The following GRB14 variants were observed in gnomAD, a reference collection of about 807,000 sequenced individuals.
The protein encoded by GRB14 is growth factor receptor bound protein 14.
Under a neutral mutation model 69.1 loss-of-function variants are expected in GRB14, and 38 were observed. The observed-to-expected ratio is 0.55, with a 90% CI of 0.42 to 0.72. The LOEUF (loss-of-function observed/expected upper bound fraction) is 0.72, where lower values mean the gene tolerates loss of function less well. GRB14 is among the 30% of genes least tolerant of loss of function. The pLI is 0.00. For missense variants in GRB14, 666 were observed against 666.1 expected, an observed-to-expected ratio of 1.00 and a Z score of 0.00; for synonymous variants, 247 against 241.3, an observed-to-expected ratio of 1.02 and a Z score of -0.22.
intron 2 of GRB14, among the ~76,000 whole-genome samples, chr2:164,580,072 A>G (rs537455585): frequency 3.3e-5 from 5 of 149,782 alleles, no homozygotes; most frequent in Non-Finnish European, 1.5e-5. Context: ...CTGATCAATT[A>G]TTTCTAGTAG....
At chr2:164,564,146 A>G (rs1688905064) in intron 2 of GRB14, among the ~76,000 whole-genome samples, 1 of 152,240 alleles carries the variant, frequency 6.6e-6, no homozygotes, top group Admixed American at 6.5e-5. Context: ...GGCAATAGAC[A>G]GCATTTGGGA....
chr2:164,578,525 C>CACACAT (rs1438591982), intron 2 of GRB14, among the ~76,000 whole-genome samples: 1 of 140,980 alleles, frequency 7.1e-6, no homozygotes, highest in Admixed American at 6.9e-5. Flanking sequence ...TTCGCGCGCA[C>CACACAT]ACACACACAC....
intron 1 of GRB14, among the ~76,000 whole-genome samples, chr2:164,620,696 G>C: frequency 6.6e-6 from 1 of 152,136 alleles, no homozygotes; most frequent in Non-Finnish European, 1.5e-5. Context: ...AAGACTGCTC[G>C]AATGTCAATC....
chr2:164,621,188 G>A lies in GRB14; in HGVS notation c.122C>T (p.Pro41Leu). The A allele has an allele frequency of 8.0e-7, 1 of 1,243,284 alleles. No homozygotes were observed. Among genetic ancestry groups the A allele is most frequent in the Non-Finnish European group, 1.0e-6 (1 of 988,414 alleles). 77.0% of individuals were successfully genotyped at this position (1,243,284 alleles called of 1,614,324 possible). Residue 41 changes from proline (P) to leucine (L), a missense_variant, in exon 1 of 14, where the codon CCG becomes CTG. Physicochemically the swap from Pro to Leu is moderately conservative, Grantham distance 98. Transcript: ENST00000263915. The surrounding 1 kb of genome is among the most constrained non-coding windows in gnomAD (Gnocchi z 6.0). ...QGRGDAHDLA[P>L]APWLHARALL... is the part of the protein sequence containing the mutation. ...CGCTCGCGCGTGCAGCCAGGGGGCC[G>A]GCGCCAGGTCGTGGGCGTCGCCCCT...
chr2:164,619,823 C>T lies in GRB14; in HGVS notation c.192-4G>A. ...ATCAAGATCTTTCTTTTTTCTCCTA[C>T]AGTAAGAGAACATAGGATGTAATTT... On this transcript the variant is annotated splice_region_variant and splice_polypyrimidine_tract_variant and intron_variant, in intron 1 of 13. Transcript: ENST00000263915. 6.2e-7 allele frequency: 1 copy of T among 1,600,946 alleles called. No homozygotes were observed. The highest frequency in any genetic ancestry group is 1.1e-5 in the South Asian group (1 of 88,576).
intron 2 of GRB14, among the ~76,000 whole-genome samples, chr2:164,553,554 C>T (rs1688599021): frequency 6.6e-6 from 1 of 152,098 alleles, no homozygotes; most frequent in Non-Finnish European, 1.5e-5. Context: ...GTTGATATTC[C>T]ACGCAGTAAA....
At position 164,527,146 on chromosome 2, in the gene GRB14, T is replaced by C. The variant is rs868012112; in HGVS notation, c.482-11A>G. 1 of 1,413,984 alleles carries C rather than the reference T, an allele frequency of 7.1e-7. No homozygotes were observed. Among genetic ancestry groups the C allele is most frequent in the African/African-American group, 1.4e-5 (1 of 69,344 alleles). The allele number at this position is 1,413,984 out of a possible 1,614,324, so 87.6% of individuals were successfully genotyped here. On this transcript the variant is annotated splice_polypyrimidine_tract_variant and intron_variant, in intron 3 of 13. Transcript: ENST00000263915. ...CTTCTATTGTTCTTTCTGTAAAGAA[T>C]GTTTCAATGAGTATGTTGACAGATA... is the stretch of plus-strand genomic sequence containing the variant.
At chr2:164,594,465 C>T (rs1385789373) in intron 2 of GRB14, among the ~76,000 whole-genome samples, 1 of 152,222 alleles carries the variant, frequency 6.6e-6, no homozygotes, top group African/African-American at 2.4e-5. Flanking sequence ...CTGTTGATGA[C>T]TGTCAAAGCC....
chr2:164,568,400 C>T, intron 2 of GRB14: 3 of 1,282,856 alleles, frequency 2.3e-6, no homozygotes, highest in Non-Finnish European at 3.0e-6. Context: ...TAGAATGATC[C>T]TGTCTCGTAG....
At chr2:164,554,926 A>G (rs1015526425) in intron 2 of GRB14, among the ~76,000 whole-genome samples, 3 of 151,312 alleles carry the variant, frequency 2.0e-5, no homozygotes, top group African/African-American at 7.3e-5. Context: ...AACTTTTCAG[A>G]AAAAAAAACT....
chr2:164,620,997 T>C, intron 1 of GRB14, 122 bp downstream of exon 1: 1 of 829,112 alleles, frequency 1.2e-6, no homozygotes, highest in Non-Finnish European at 1.6e-6. Flanking sequence ...GGGATTGTCT[T>C]CAGAGACTTT....
intron 3 of GRB14, among the ~76,000 whole-genome samples, chr2:164,530,492 G>A (rs767271862): frequency 5.9e-5 from 9 of 152,074 alleles, no homozygotes; most frequent in East Asian, 1.9e-4. Context: ...ATAGAGCAGC[G>A]AAGAGAGAGA....
chr2:164,595,751 G>C (rs1450925879), intron 2 of GRB14, among the ~76,000 whole-genome samples: 1 of 152,184 alleles, frequency 6.6e-6, no homozygotes, highest in African/African-American at 2.4e-5. Context: ...AAGAAGAGAC[G>C]GGTATGATCT....
At chr2:164,589,841 A>C (rs550227433) in intron 2 of GRB14, among the ~76,000 whole-genome samples, 9 of 152,258 alleles carry the variant, frequency 5.9e-5, no homozygotes, top group Non-Finnish European at 1.2e-4. Context: ...ATAAGCAACA[A>C]AAGTTTCTTT....
intron 2 of GRB14, among the ~76,000 whole-genome samples, chr2:164,595,921 C>G (rs556311896): frequency 5.9e-5 from 9 of 152,100 alleles, no homozygotes; most frequent in East Asian, 1.9e-4. Flanking sequence ...ATCAGGAGAT[C>G]GAGACCATCC....
In GRB14 at chr2:164,547,755, G is replaced by A. The variant is rs141568578; in HGVS notation, c.386C>T (p.Thr129Met). The A allele has an allele frequency of 3.3e-5, 54 of 1,613,412 alleles. No homozygotes were observed. The East Asian group carries it at 5.8e-4, about 17-fold the overall frequency. The change falls in exon 3 of 14, where the codon ACG becomes ATG. Residue 129 changes from threonine to methionine, a missense_variant. Thr to Met is a moderately conservative substitution (Grantham distance 81, BLOSUM62 -1). Transcript: ENST00000263915. ...SRALDVPSDI[T>M]ARDVCQLLIL... is the part of the protein sequence containing the mutation. ...CAACAGCTGACAAACATCTCGAGCCGTTATGTCACTGGGTACATCTAAAGC... is the reference window on the plus strand; with the variant it reads ...CAACAGCTGACAAACATCTCGAGCCATTATGTCACTGGGTACATCTAAAGC...
chr2:164,555,154 C>G (rs947530987), intron 2 of GRB14, among the ~76,000 whole-genome samples: 2 of 152,192 alleles, frequency 1.3e-5, no homozygotes, highest in African/African-American at 2.4e-5. Context: ...AAGCAGTCAG[C>G]CTTTCTCCTC....
chr2:164,559,156 T>C (rs1006283385), intron 2 of GRB14, among the ~76,000 whole-genome samples: 1 of 152,226 alleles, frequency 6.6e-6, no homozygotes, highest in Non-Finnish European at 1.5e-5. Flanking sequence ...CATAAACTTA[T>C]AATAGTGTAC....
At position 164,611,397 on chromosome 2, in the gene GRB14, C is replaced by T. The variant is rs11892553; in HGVS notation, c.324+8290G>A. ...TGGGGAGATGTATATAGATTCAAGC[C>T]TACTTTGATGAAAGATGAAGCAGTA... On this transcript the variant is annotated intron_variant, in intron 2 of 13. Coordinates refer to ENST00000263915, the MANE Select transcript of GRB14 (RefSeq NM_004490.3). 6.0e-3 allele frequency among the ~76,000 whole-genome samples: 911 copies of T among 152,106 alleles called. 6 individuals are homozygous for T. Among genetic ancestry groups the T allele is most frequent in the African/African-American group, 0.02 (848 of 41,484 alleles).
Sources: gnomAD v4.1 joint callset for allele counts (sites outside exome capture counted in the v4.1 genomes callset) on GRCh38, gnomAD v4.1.1 for gene constraint, Gnocchi (gnomAD v3.1) non-coding constraint, MANE v1.5 for transcripts, NCBI Gene and HGNC (gene_info 2026-07-23, HGNC 2026-07-21) for gene names.